Variants in B3GLCT observed in about 807,000 individuals in gnomAD.
B3GLCT encodes the protein beta 3-glucosyltransferase.
Under a neutral mutation model 63.4 loss-of-function variants are expected in B3GLCT, and 65 were observed. The observed-to-expected ratio is 1.03, with a 90% CI of 0.84 to 1.26. The LOEUF (loss-of-function observed/expected upper bound fraction) is 1.26, where lower values mean the gene tolerates loss of function less well. B3GLCT is among the 50% of genes most tolerant of loss of function. B3GLCT has a pLI of 0.00. For synonymous variants in B3GLCT, 233 were observed against 219.2 expected, an observed-to-expected ratio of 1.06 and a Z score of -0.55; for missense variants, 577 against 604.8, an observed-to-expected ratio of 0.95 and a Z score of 0.48.
rs1416950983 is a variant in B3GLCT, at chr13:31,200,022, CT to C, written c.-62del. On this transcript the variant is annotated 5_prime_UTR_variant, in exon 1 of 15. Transcript: ENST00000343307. ...CAGGGCGGCGGCGGCAGCGGCGCAGCTCCGCTCCCCGCGCGTCTCCCTTCCC... is the reference window on the plus strand; with the variant it reads ...CAGGGCGGCGGCGGCAGCGGCGCAGCCCGCTCCCCGCGCGTCTCCCTTCCC... The C allele has an allele frequency of 3.6e-6, 4 of 1,110,886 alleles. No homozygotes were observed. Among genetic ancestry groups the C allele is most frequent in the Non-Finnish European group, 4.6e-6 (4 of 868,970 alleles). 68.8% of individuals were successfully genotyped at this position (1,110,886 alleles called of 1,614,324 possible).
At chr13:31,220,211 C>A (rs1249633533) in intron 2 of B3GLCT, among the ~76,000 whole-genome samples, 3 of 152,176 alleles carry the variant, frequency 2.0e-5, no homozygotes, top group African/African-American at 7.2e-5. Context: ...ATATAAAATT[C>A]TTTCGAGGGT....
intron 13 of B3GLCT, among the ~76,000 whole-genome samples, chr13:31,319,853 C>G (rs973767104): frequency 2.0e-5 from 3 of 152,204 alleles, no homozygotes; most frequent in Non-Finnish European, 4.4e-5. Flanking sequence ...CAATGTCCCC[C>G]TCTCAGGGAA....
intron 12 of B3GLCT, among the ~76,000 whole-genome samples, chr13:31,306,452 T>G (rs1874399520): frequency 1.1e-5 from 1 of 90,276 alleles, no homozygotes; most frequent in South Asian, 4.3e-4. Context: ...GCCCAAAATC[T>G]CCTTAAGCTG....
At chr13:31,304,474 T>A (rs1475891717) in intron 12 of B3GLCT, among the ~76,000 whole-genome samples, 1 of 75,262 alleles carries the variant, frequency 1.3e-5, no homozygotes, top group Non-Finnish European at 2.7e-5. Flanking sequence ...AATAAAAGGA[T>A]GGAGGAAGAT....
chr13:31,276,112 C>T (rs972067453), intron 9 of B3GLCT, among the ~76,000 whole-genome samples: 1 of 152,088 alleles, frequency 6.6e-6, no homozygotes, highest in Non-Finnish European at 1.5e-5. Context: ...AGCCTGGGCT[C>T]CAGGACTGCC....
intron 13 of B3GLCT, among the ~76,000 whole-genome samples, chr13:31,321,052 T>C (rs1875306246): frequency 6.6e-6 from 1 of 152,274 alleles, no homozygotes; most frequent in Non-Finnish European, 1.5e-5. Context: ...TATGCATTAT[T>C]TGAAGGCAAC....
At chr13:31,218,187 C>CT (rs35142866) in intron 2 of B3GLCT, among the ~76,000 whole-genome samples, 1,968 of 119,842 alleles carry the variant, frequency 0.016, 66 homozygotes, top group African/African-American at 0.052. Flanking sequence ...TTTGTGGCTA[C>CT]TTTTTTTTTT....
At chr13:31,302,641 C>A (rs1277812496) in intron 12 of B3GLCT, among the ~76,000 whole-genome samples, 1 of 44,358 alleles carries the variant, frequency 2.3e-5, no homozygotes, top group Non-Finnish European at 5.2e-5. Flanking sequence ...CGGCGCACCA[C>A]GAGACGATAT....
chr13:31,273,235 C>T (rs1334034124), intron 8 of B3GLCT, among the ~76,000 whole-genome samples: 1 of 152,182 alleles, frequency 6.6e-6, no homozygotes. Context: ...GCTGGGACTA[C>T]AGGCGCGTGC....
chr13:31,325,995 A>G (rs761655994), intron 14 of B3GLCT, among the ~76,000 whole-genome samples: 5 of 152,198 alleles, frequency 3.3e-5, no homozygotes, highest in Non-Finnish European at 7.3e-5. Flanking sequence ...CACAGCACCT[A>G]GAGCATATGG....
At chr13:31,261,557 C>T (rs1461700179) in intron 7 of B3GLCT, among the ~76,000 whole-genome samples, 1 of 152,092 alleles carries the variant, frequency 6.6e-6, no homozygotes, top group African/African-American at 2.4e-5. Flanking sequence ...TACTATAGGT[C>T]GTCATACCTA....
chr13:31,272,048 T>C (rs970899946), intron 8 of B3GLCT, among the ~76,000 whole-genome samples: 2 of 152,174 alleles, frequency 1.3e-5, no homozygotes, highest in Admixed American at 6.5e-5. Flanking sequence ...TCCTTATCTT[T>C]TTTAGATGTG....
At chr13:31,232,497 A>AGGG (rs1870431909) in intron 4 of B3GLCT, among the ~76,000 whole-genome samples, 1 of 152,192 alleles carries the variant, frequency 6.6e-6, no homozygotes, top group Non-Finnish European at 1.5e-5. Context: ...GACAGTACCA[A>AGGG]GGGGGATGAT....
At chr13:31,318,482 T>C (rs530697354) in intron 13 of B3GLCT, among the ~76,000 whole-genome samples, 2 of 152,306 alleles carry the variant, frequency 1.3e-5, no homozygotes, top group East Asian at 3.9e-4. Context: ...GGCATCCTGA[T>C]TTTGTTTAGC....
At chr13:31,300,019 G>A (rs964120146) in intron 12 of B3GLCT, among the ~76,000 whole-genome samples, 1 of 152,136 alleles carries the variant, frequency 6.6e-6, no homozygotes, top group African/African-American at 2.4e-5. Flanking sequence ...ACAGCCCACT[G>A]AGATTATTTG....
At chr13:31,243,441 A>G (rs1186678243) in intron 4 of B3GLCT, among the ~76,000 whole-genome samples, 1 of 152,224 alleles carries the variant, frequency 6.6e-6, no homozygotes, top group Admixed American at 6.5e-5. Flanking sequence ...AAGGTTATTT[A>G]TGATATTTTA....
chr13:31,237,353 G>GTTTTT (rs372747180), intron 4 of B3GLCT, among the ~76,000 whole-genome samples: 4 of 130,958 alleles, frequency 3.1e-5, no homozygotes, highest in African/African-American at 2.8e-5. Context: ...GCTGGAGGCT[G>GTTTTT]TTTTTTTTTT....
chr13:31,208,664 C>T (rs1353778150), intron 1 of B3GLCT, among the ~76,000 whole-genome samples: 1 of 140,836 alleles, frequency 7.1e-6, no homozygotes, highest in Non-Finnish European at 1.6e-5. Flanking sequence ...GCCCTTAGCG[C>T]TCTTTGCTTG....
At chr13:31,250,397 C>G (rs1871373347) in intron 6 of B3GLCT, among the ~76,000 whole-genome samples, 1 of 152,218 alleles carries the variant, frequency 6.6e-6, no homozygotes, top group Non-Finnish European at 1.5e-5. Flanking sequence ...TGGTCTTCAA[C>G]TCCTGGTCTC....
Sources: allele counts gnomAD v4.1 joint callset (sites outside exome capture counted in the v4.1 genomes callset), GRCh38; gene constraint gnomAD v4.1.1; transcripts MANE v1.5; gene names NCBI Gene and HGNC (gene_info 2026-07-23, HGNC 2026-07-21).